STRBP: variants seen among roughly 807,000 people sequenced by gnomAD.
STRBP encodes spermatid perinuclear RNA binding protein, also known as spermatid perinuclear RNA-binding protein.
A neutral mutation model predicts 80.1 loss-of-function variants in STRBP; 13 were observed. That is an observed-to-expected ratio of 0.16 (90% CI 0.11 to 0.26). The LOEUF is 0.26. STRBP is among the 10% of genes least tolerant of loss of function. The pLI is 1.00. For synonymous variants in STRBP, 284 were observed against 291.2 expected (o/e 0.98, Z 0.25); for missense variants, 485 against 815.2 (o/e 0.59, Z 4.93).
At chr9:123,212,605 T>C (rs544734780) in intron 2 of STRBP, 1 of 152,286 alleles carries the variant, frequency 6.6e-6, no homozygotes, top group African/African-American at 2.4e-5. Flanking sequence ...TTCCCAGATG[T>C]CCTTGGCTTT....
At chr9:123,133,767 G>A (rs892281832) in intron 16 of STRBP, among the ~76,000 whole-genome samples, 1 of 152,020 alleles carries the variant, frequency 6.6e-6, no homozygotes, top group Non-Finnish European at 1.5e-5. Context: ...CTTGACTCCT[G>A]ACCTCAAGTG....
At chr9:123,192,812 G>A (rs2038969062) in intron 2 of STRBP, among the ~76,000 whole-genome samples, 1 of 152,088 alleles carries the variant, frequency 6.6e-6, no homozygotes, top group Admixed American at 6.5e-5. Flanking sequence ...ATTTTACCTT[G>A]AGAACATCAG....
intron 14 of STRBP, among the ~76,000 whole-genome samples, chr9:123,138,927 T>C (rs2036473093): frequency 6.6e-6 from 1 of 152,248 alleles, no homozygotes; most frequent in Admixed American, 6.5e-5. Flanking sequence ...TTACATAGAA[T>C]GCAGTAAACA....
intron 2 of STRBP, among the ~76,000 whole-genome samples, chr9:123,198,822 C>T (rs2039203696): frequency 6.6e-6 from 1 of 152,164 alleles, no homozygotes; most frequent in Non-Finnish European, 1.5e-5. Context: ...TGCCAATTTT[C>T]CCAGGACCAT....
chr9:123,240,515 T>C (rs929103453), intron 1 of STRBP, among the ~76,000 whole-genome samples: 27 of 152,238 alleles, frequency 1.8e-4, no homozygotes, highest in African/African-American at 6.3e-4. Context: ...CCTCTTATCT[T>C]TCAACAGGAT....
chr9:123,161,554 G>C (rs1050666478), intron 6 of STRBP, among the ~76,000 whole-genome samples: 13 of 152,156 alleles, frequency 8.5e-5, no homozygotes, highest in Non-Finnish European at 1.5e-4. Context: ...AAAATAAACT[G>C]AGGATGACAA....
rs1307855515 is a variant in STRBP at position 123,147,866 on chromosome 9, A to T, written c.1050T>A (p.Ala350=). ...ATGGCCTCTTTAGAGCTGAAGACCC[A>T]GCACCTAAAAAAAATTATGAGGGAT... ...YSWSVTDKEG[A]GSSALKRPFE... Residue 350 remains alanine, a synonymous_variant, in exon 12 of 19, where the codon GCT becomes GCA. Transcript: ENST00000348403. 2 of 1,610,916 alleles carry T rather than the reference A, an allele frequency of 1.2e-6. No homozygotes were observed. Among genetic ancestry groups the T allele is most frequent in the South Asian group, 2.2e-5 (2 of 90,480 alleles).
At chr9:123,174,409 G>A (rs111372843) in intron 4 of STRBP, among the ~76,000 whole-genome samples, 3 of 152,222 alleles carry the variant, frequency 2.0e-5, no homozygotes, top group African/African-American at 7.2e-5. Flanking sequence ...CTGCACTCCA[G>A]CGTGGGTGAC....
chr9:123,251,725 C>A (rs1201223395), intron 1 of STRBP, among the ~76,000 whole-genome samples: 1 of 152,156 alleles, frequency 6.6e-6, no homozygotes, highest in East Asian at 1.9e-4. Context: ...CTAAACAGAA[C>A]AAGAGAAACA....
At chr9:123,180,070 T>A (rs1165574786) in intron 3 of STRBP, among the ~76,000 whole-genome samples, 1 of 151,954 alleles carries the variant, frequency 6.6e-6, no homozygotes, top group East Asian at 1.9e-4. Context: ...GCCTGGGTAA[T>A]GTAGCAAGAT....
rs2035752815 is a variant in STRBP at position 123,122,113 on chromosome 9, T to TA, written c.*3483dup. 14 of 247,910 alleles carry TA rather than the reference T, an allele frequency of 5.6e-5. No individual in the cohort carries two copies. In the South Asian group the frequency reaches 7.0e-4, roughly 12 times the overall value. The allele number at this position is 247,910 out of a possible 1,614,324, so 15.4% of individuals were successfully genotyped here. ...ATGACATATGACCTAAGAGATCAAA[T>TA]ACATCATATATGATTGTCATATATG... is the stretch of plus-strand genomic sequence containing the variant. On this transcript the variant is annotated 3_prime_UTR_variant, in exon 19 of 19. Coordinates refer to ENST00000348403, the MANE Select transcript of STRBP (RefSeq NM_018387.5).
At chr9:123,180,797 G>T in intron 3 of STRBP, 1 of 420,856 alleles carries the variant, frequency 2.4e-6, no homozygotes, top group Non-Finnish European at 3.2e-6. Flanking sequence ...AATGAACAAG[G>T]ATAACTTAGT....
At chr9:123,163,154 T>C (rs918003121) in intron 6 of STRBP, among the ~76,000 whole-genome samples, 1 of 152,132 alleles carries the variant, frequency 6.6e-6, no homozygotes, top group African/African-American at 2.4e-5. Context: ...AGGGAGACAA[T>C]GGAAGAGGGA....
chr9:123,111,235 G>A (rs1400623266), intron 3 of STRBP: 1 of 177,682 alleles, frequency 5.6e-6, no homozygotes, highest in African/African-American at 2.4e-5. Flanking sequence ...TGGATCGAGT[G>A]TCTTGCCACG....
chr9:123,237,495 A>C (rs2040594192), intron 1 of STRBP, among the ~76,000 whole-genome samples: 1 of 152,104 alleles, frequency 6.6e-6, no homozygotes, highest in Non-Finnish European at 1.5e-5. Context: ...CAGCAATGGG[A>C]GGAGAAATTA....
At chr9:123,164,867 G>A (rs2037685938) in intron 6 of STRBP, among the ~76,000 whole-genome samples, 1 of 152,162 alleles carries the variant, frequency 6.6e-6, no homozygotes, top group Non-Finnish European at 1.5e-5. Flanking sequence ...AACATAAACA[G>A]ATAAATGTAG....
At chr9:123,259,813 C>G (rs1446168646) in intron 1 of STRBP, among the ~76,000 whole-genome samples, 1 of 152,080 alleles carries the variant, frequency 6.6e-6, no homozygotes, top group East Asian at 1.9e-4. Flanking sequence ...GACTATGAAG[C>G]CAAGTAGGTA....
intron 6 of STRBP, chr9:123,168,053 A>G (rs752767000): frequency 8.1e-5 from 17 of 209,206 alleles, no homozygotes; most frequent in Non-Finnish European, 1.3e-4. Flanking sequence ...CAAACATGTA[A>G]TTAACTTAGC....
intron 1 of STRBP, among the ~76,000 whole-genome samples, chr9:123,242,363 A>G (rs757739208): frequency 9.9e-5 from 15 of 152,184 alleles, no homozygotes; most frequent in Non-Finnish European, 1.2e-4. Context: ...TGAAAATTTT[A>G]TGAATAAATG....
Sources: allele counts gnomAD v4.1 joint callset (sites outside exome capture counted in the v4.1 genomes callset), GRCh38; gene constraint gnomAD v4.1.1; transcripts MANE v1.5; gene names NCBI Gene and HGNC (gene_info 2026-07-23, HGNC 2026-07-21).